Variants in CACNA1E observed in about 807,000 individuals in gnomAD.
The protein encoded by CACNA1E is voltage-dependent R-type calcium channel subunit alpha-1E.
Under a neutral mutation model 259.2 loss-of-function variants are expected in CACNA1E, and 40 were observed. The observed-to-expected ratio is 0.15, with a 90% CI of 0.12 to 0.20. CACNA1E has a LOEUF of 0.20. Ranked by LOEUF, CACNA1E falls within the 10% of genes least tolerant of loss-of-function variation. The pLI is 1.00. For synonymous variants in CACNA1E, 1,104 were observed against 1,138.5 expected (o/e 0.97, Z 0.61); for missense variants, 1,874 against 3,040.1 (o/e 0.62, Z 9.02).
chr1:181,806,385 CT>C lies in CACNA1E; in HGVS notation c.*7552del, dbSNP rs2102944652. The C allele has an allele frequency of 6.6e-6, 1 of 152,384 alleles. No individual in the cohort carries two copies. The highest frequency in any genetic ancestry group is 6.5e-5 in the Admixed American group (1 of 15,304). 9.4% of individuals were successfully genotyped at this position (152,384 alleles called of 1,614,324 possible). ...TCGGGGCCCATGGTCAGGCCATTCC[CT>C]CTTTGTTTTGCTCCTAGAGGATGAG... On this transcript the variant is annotated 3_prime_UTR_variant, in exon 48 of 48. Coordinates refer to ENST00000367573, the MANE Select transcript of CACNA1E (RefSeq NM_001205293.3).
At chr1:181,326,129 C>T (rs1650773958) in intron 1 of CACNA1E, among the ~76,000 whole-genome samples, 1 of 152,188 alleles carries the variant, frequency 6.6e-6, no homozygotes, top group Admixed American at 6.5e-5. Flanking sequence ...TATGCTAAGT[C>T]GTTTAACAAC....
At chr1:181,562,623 A>G (rs1649436721) in intron 3 of CACNA1E, among the ~76,000 whole-genome samples, 1 of 152,222 alleles carries the variant, frequency 6.6e-6, no homozygotes. Context: ...TAATTTGCGT[A>G]GCTGGCAAGG....
chr1:181,611,281 T>C (rs1441641704), intron 6 of CACNA1E, among the ~76,000 whole-genome samples: 1 of 152,208 alleles, frequency 6.6e-6, no homozygotes, highest in Non-Finnish European at 1.5e-5. Flanking sequence ...GATTCCTTCA[T>C]TCATTTCGTC....
chr1:181,430,428 G>T (rs762477525), intron 2 of CACNA1E, among the ~76,000 whole-genome samples: 7 of 152,166 alleles, frequency 4.6e-5, no homozygotes, highest in Non-Finnish European at 7.3e-5. Context: ...CCCCTTATCT[G>T]TGCAGCTGCG....
chr1:181,778,831 A>G (rs1039867486), intron 38 of CACNA1E, among the ~76,000 whole-genome samples: 4 of 152,128 alleles, frequency 2.6e-5, no homozygotes, highest in African/African-American at 9.7e-5. Context: ...CTGAGTAAAG[A>G]AGACTTGCCC....
At chr1:181,738,279 C>G in intron 23 of CACNA1E, 88 bp from the exon 24 acceptor site, 1 of 1,031,256 alleles carries the variant, frequency 9.7e-7, no homozygotes, top group South Asian at 1.3e-5. Context: ...TGGGCGTGCA[C>G]GAGTGCATGT....
chr1:181,480,854 A>G (rs1193805132), upstream of CACNA1E, among the ~76,000 whole-genome samples: 1 of 152,212 alleles, frequency 6.6e-6, no homozygotes, highest in Non-Finnish European at 1.5e-5. Context: ...TGTTCATTAT[A>G]GTATCCTCAG....
intron 38 of CACNA1E, 70 bp from the exon 39 acceptor site, chr1:181,781,357 T>C (rs1660412359): frequency 6.7e-6 from 5 of 748,358 alleles, no homozygotes; most frequent in Admixed American, 2.0e-5. Flanking sequence ...CCCCACTTCC[T>C]TCTCCTTTCC....
chr1:181,340,380 C>T (rs539861257), intron 1 of CACNA1E, among the ~76,000 whole-genome samples: 7 of 151,920 alleles, frequency 4.6e-5, no homozygotes, highest in Non-Finnish European at 1.0e-4. Flanking sequence ...TATGGCTAGT[C>T]ATTTTTGATA....
At chr1:181,366,682 A>T (rs909849050) in intron 1 of CACNA1E, among the ~76,000 whole-genome samples, 1 of 152,108 alleles carries the variant, frequency 6.6e-6, no homozygotes, top group Non-Finnish European at 1.5e-5. Context: ...TGATCCTGCT[A>T]CCTCTTTGCT....
Position 181,746,364 on chromosome 1 carries a change from A to T in CACNA1E, c.3720-4112A>T, listed in dbSNP as rs17693124. 5.3e-3 allele frequency among the ~76,000 whole-genome samples: 800 copies of T among 152,348 alleles called. 2 individuals are homozygous for T. The highest frequency in any genetic ancestry group is 7.2e-3 in the Non-Finnish European group (493 of 68,026). On this transcript the variant is annotated intron_variant, in intron 25 of 47. Coordinates refer to ENST00000367573, the MANE Select transcript of CACNA1E (RefSeq NM_001205293.3). ...GAACAGTCCTGTTTTACAGTTGAGA[A>T]GTGGATTGCCTGAGGTTTGACTAGT... is the stretch of plus-strand genomic sequence containing the variant.
chr1:181,579,522 C>T (rs897824306), intron 5 of CACNA1E, among the ~76,000 whole-genome samples: 10 of 152,188 alleles, frequency 6.6e-5, no homozygotes, highest in Middle Eastern at 3.2e-3. Context: ...CTGTCTGAGC[C>T]AGGCATAGTG....
intron 17 of CACNA1E, among the ~76,000 whole-genome samples, chr1:181,724,796 A>G (rs1204220401): frequency 2.6e-5 from 4 of 152,228 alleles, no homozygotes; most frequent in African/African-American, 9.6e-5. Context: ...ATGAGCCCTC[A>G]AAGGAGTCCT....
chr1:181,597,595 G>A (rs371017263), intron 6 of CACNA1E, among the ~76,000 whole-genome samples: 10 of 152,178 alleles, frequency 6.6e-5, no homozygotes, highest in East Asian at 5.8e-4. Context: ...TGACTGCCTC[G>A]AAGGTGATGG....
chr1:181,412,839 CTG>C (rs1392457253), intron 1 of CACNA1E, among the ~76,000 whole-genome samples: 7 of 152,182 alleles, frequency 4.6e-5, no homozygotes, highest in African/African-American at 1.7e-4. Flanking sequence ...CTGCAGTAGA[CTG>C]TAAGTTTATG....
intron 2 of CACNA1E, among the ~76,000 whole-genome samples, chr1:181,469,814 G>C (rs756013462): frequency 1.3e-5 from 2 of 152,160 alleles, no homozygotes; most frequent in African/African-American, 4.8e-5. Flanking sequence ...AATTCATGCT[G>C]AGTCCCAATA....
chr1:181,791,942 G>A (rs1012026534), intron 44 of CACNA1E, among the ~76,000 whole-genome samples: 1 of 152,206 alleles, frequency 6.6e-6, no homozygotes, highest in Non-Finnish European at 1.5e-5. Flanking sequence ...TCTCCTGCGA[G>A]TGCTGAGACA....
intron 16 of CACNA1E, among the ~76,000 whole-genome samples, chr1:181,722,130 A>G (rs1654465569): frequency 6.6e-6 from 1 of 152,236 alleles, no homozygotes; most frequent in Non-Finnish European, 1.5e-5. Flanking sequence ...AGGCTGTTAC[A>G]TTGAATGGTT....
At position 181,597,997 on chromosome 1, in the gene CACNA1E, A is replaced by G. The variant is rs573495226; in HGVS notation, c.951+17221A>G. Among the ~76,000 whole-genome samples, 63 of 152,294 alleles carry G rather than the reference A, an allele frequency of 4.1e-4. 1 individual carries two copies. The highest frequency in any genetic ancestry group is 1.0e-3 in the Admixed American group (16 of 15,298). On this transcript the variant is annotated intron_variant, in intron 6 of 47. Transcript: ENST00000367573. Reference sequence around the variant, plus strand: ...ATTTGGGTGGGGACACAGCCAAACTATATCAGGCGCTTAAGGCTTACAGAG... The same window carrying G: ...ATTTGGGTGGGGACACAGCCAAACTGTATCAGGCGCTTAAGGCTTACAGAG...
Sources: gnomAD v4.1 joint callset for allele counts (sites outside exome capture counted in the v4.1 genomes callset) on GRCh38, gnomAD v4.1.1 for gene constraint, MANE v1.5 for transcripts, NCBI Gene and HGNC (gene_info 2026-07-23, HGNC 2026-07-21) for gene names.